WDFY3: variants seen among roughly 807,000 people sequenced by gnomAD.
The protein encoded by WDFY3 is WD repeat and FYVE domain-containing protein 3.
In WDFY3, 66 loss-of-function variants were observed where a neutral mutation model predicts 409.6. The observed-to-expected ratio is 0.16, with a 90% CI of 0.13 to 0.20. WDFY3 has a LOEUF of 0.20. WDFY3 is among the 10% of genes least tolerant of loss of function. The pLI, the probability that WDFY3 is intolerant of heterozygous loss-of-function variation, is 1.00. For synonymous variants in WDFY3, 1,521 were observed against 1,537.1 expected, an observed-to-expected ratio of 0.99 and a Z score of 0.25; for missense variants, 3,031 against 4,298.1, an observed-to-expected ratio of 0.71 and a Z score of 8.24.
intron 36 of WDFY3, chr4:84,751,196 CA>C (rs1176109683): frequency 1.1e-5 from 5 of 439,718 alleles, no homozygotes; most frequent in Non-Finnish European, 2.1e-5. Context: ...GTATGGCCCA[CA>C]AGCTTAAAAT....
At chr4:84,954,101 T>C (rs1773950568) in intron 1 of WDFY3, among the ~76,000 whole-genome samples, 1 of 152,158 alleles carries the variant, frequency 6.6e-6, no homozygotes. Context: ...CACAATAAAA[T>C]ATGTTATCAT....
chr4:84,821,699 C>T, intron 10 of WDFY3, 148 bp from the exon 11 acceptor site: 2 of 651,828 alleles, frequency 3.1e-6, no homozygotes, highest in Non-Finnish European at 5.0e-6. Flanking sequence ...TCTTATTTTT[C>T]TTCATCAGGT....
intron 1 of WDFY3, among the ~76,000 whole-genome samples, chr4:84,940,966 CATCT>C: frequency 6.6e-6 from 1 of 152,044 alleles, no homozygotes; most frequent in South Asian, 2.1e-4. Context: ...CAAAATTCAA[CATCT>C]ATTAATGATA....
In WDFY3 at chr4:84,821,162, G is replaced by C; in HGVS notation, c.1513C>G (p.Leu505Val). Residue 505 changes from leucine (L) to valine (V), a missense_variant, in exon 11 of 68, where the codon CTT (leucine) becomes GTT (valine). Physicochemically the swap from Leu to Val is conservative, Grantham distance 32 (BLOSUM62 1). Around this residue, in one of 16 missense-constraint regions of WDFY3, gnomAD observed 1,322 missense variants for 1,697.9 expected, o/e 0.78. Coordinates refer to ENST00000295888, the MANE Select transcript of WDFY3 (RefSeq NM_014991.6). ...IFKDVFREVG[L>V]LEVMVNLLHK... ...AAAAGGTTTACCATGACCTCCAAAA[G>C]GCCAACCTCCCTGAACACGTCTTTA... 2 of 1,613,670 alleles carry C rather than the reference G, an allele frequency of 1.2e-6. No individual in the cohort carries two copies. The highest frequency in any genetic ancestry group is 1.7e-6 in the Non-Finnish European group (2 of 1,179,798).
chr4:84,693,054 C>A, intron 58 of WDFY3, 22 bp from the exon 59 acceptor site: 1 of 1,605,104 alleles, frequency 6.2e-7, no homozygotes, highest in South Asian at 1.1e-5. Flanking sequence ...GAAGATGACT[C>A]ACTTTATAAT....
intron 32 of WDFY3, among the ~76,000 whole-genome samples, chr4:84,761,168 A>T (rs1200846294): frequency 6.6e-6 from 1 of 151,812 alleles, no homozygotes. Flanking sequence ...GTGGTCTGAG[A>T]GATAGTTTGT....
chr4:84,800,170 C>G (rs955015032), intron 17 of WDFY3, among the ~76,000 whole-genome samples: 1 of 152,174 alleles, frequency 6.6e-6, no homozygotes, highest in Non-Finnish European at 1.5e-5. Context: ...TGATACAACA[C>G]CATTTAACAA....
chr4:84,843,521 T>C (rs1203305039), intron 5 of WDFY3, among the ~76,000 whole-genome samples: 1 of 152,186 alleles, frequency 6.6e-6, no homozygotes, highest in Non-Finnish European at 1.5e-5. Context: ...CAGTCCCCCA[T>C]GTAGCTGGGA....
chr4:84,681,832 T>G (rs1271780117), intron 64 of WDFY3, among the ~76,000 whole-genome samples: 2 of 152,258 alleles, frequency 1.3e-5, no homozygotes, highest in Admixed American at 1.3e-4. Context: ...ATTATCTCTA[T>G]ATTTCACTGA....
intron 4 of WDFY3, among the ~76,000 whole-genome samples, chr4:84,857,176 C>G (rs2150169900): frequency 6.6e-6 from 1 of 151,990 alleles, no homozygotes; most frequent in Non-Finnish European, 1.5e-5. Flanking sequence ...TCTAATCAAC[C>G]AATTAAAAAC....
chr4:84,716,181 T>C (rs1194423262), intron 49 of WDFY3, among the ~76,000 whole-genome samples: 1 of 152,108 alleles, frequency 6.6e-6, no homozygotes, highest in Non-Finnish European at 1.5e-5. Flanking sequence ...CTCACGCCTG[T>C]AATCCCAGCA....
At position 84,690,663 on chromosome 4, in the gene WDFY3, G is replaced by A. The variant is rs1729106020; in HGVS notation, c.9206C>T (p.Ala3069Val). The A allele has an allele frequency of 6.2e-7, 1 of 1,610,586 alleles. No individual in the cohort carries two copies. The highest frequency in any genetic ancestry group is 1.3e-5 in the African/African-American group (1 of 74,790). ...CRLGTYESDK[A>V]MTVYECLSEW... is the part of the protein sequence containing the mutation. Reference sequence around the variant, plus strand: ...AGACAAGCATTCATAAACAGTCATGGCCTATAAAGTAAAACGGATGTGAGA... The same window carrying A: ...AGACAAGCATTCATAAACAGTCATGACCTATAAAGTAAAACGGATGTGAGA... The change falls in exon 61 of 68, where the codon GCC becomes GTC. Residue 3069 changes from alanine to valine, a missense_variant and splice_region_variant. Ala to Val is a moderately conservative substitution (Grantham distance 64, BLOSUM62 0). Transcript: ENST00000295888.
intron 3 of WDFY3, among the ~76,000 whole-genome samples, chr4:84,867,017 G>C (rs1487731474): frequency 1.3e-5 from 2 of 152,112 alleles, no homozygotes; most frequent in Non-Finnish European, 2.9e-5. Context: ...TAATAAATCA[G>C]GTAACTTCAG....
In WDFY3 at chr4:84,741,807, T is replaced by C; in HGVS notation, c.6188A>G (p.Lys2063Arg). The part of the protein sequence containing the change: ...VDKLWQGMFN[K>R]ESKLLIDFII... ...AAAATCTATAAGAAGTTTAGATTCT[T>C]TGTTGAACATGCCTTGCCAAAGCTT... The change falls in exon 38 of 68, where the codon AAA (lysine) becomes AGA (arginine). Residue 2063 changes from lysine (K) to arginine (R), a missense_variant. By Grantham distance (26) the Lys-to-Arg change is conservative (BLOSUM62 2). Coordinates refer to ENST00000295888, the MANE Select transcript of WDFY3 (RefSeq NM_014991.6). The C allele has an allele frequency of 6.2e-7, 1 of 1,612,990 alleles. No homozygotes were observed.
At chr4:84,793,483 T>A (rs776521865) in intron 21 of WDFY3, among the ~76,000 whole-genome samples, 2 of 152,108 alleles carry the variant, frequency 1.3e-5, no homozygotes, top group Non-Finnish European at 2.9e-5. Context: ...GCAATACTAG[T>A]TCATTATTTT....
intron 2 of WDFY3, among the ~76,000 whole-genome samples, chr4:84,929,478 C>A (rs561225834): frequency 7.9e-5 from 12 of 151,282 alleles, no homozygotes; most frequent in Non-Finnish European, 1.5e-4. Context: ...CGCCCCCCCC[C>A]CCAAATTCAT....
At chr4:84,878,602 G>C (rs1275782684) in intron 3 of WDFY3, among the ~76,000 whole-genome samples, 7 of 152,072 alleles carry the variant, frequency 4.6e-5, no homozygotes, top group Admixed American at 4.6e-4. Flanking sequence ...CTTCCAATTA[G>C]TTATGTTGGA....
chr4:84,883,212 T>G (rs1763774932), intron 3 of WDFY3, among the ~76,000 whole-genome samples: 1 of 152,156 alleles, frequency 6.6e-6, no homozygotes, highest in African/African-American at 2.4e-5. Context: ...CCTAATTACA[T>G]CATTTCTCTG....
Position 84,736,159 on chromosome 4 carries a change from T to TA in WDFY3, c.6915+10dup. 1 of 1,602,912 alleles carries TA rather than the reference T, an allele frequency of 6.2e-7. No homozygotes were observed. The highest frequency in any genetic ancestry group is 1.1e-5 in the South Asian group (1 of 88,416). Reference sequence around the variant, plus strand: ...CTACAACTAATATCAGCAATGAAACTAAAAAAGTACCTGGGTGGAAAGACT... The same window carrying TA: ...CTACAACTAATATCAGCAATGAAACTAAAAAAAGTACCTGGGTGGAAAGACT... On this transcript the variant is annotated intron_variant, in intron 42 of 67. Transcript: ENST00000295888.
Sources: allele counts gnomAD v4.1 joint callset (sites outside exome capture counted in the v4.1 genomes callset), GRCh38; gene constraint gnomAD v4.1.1; regional missense constraint gnomAD v4.1.1; transcripts MANE v1.5; gene names NCBI Gene and HGNC (gene_info 2026-07-23, HGNC 2026-07-21).